The following PTK7 variants were observed in gnomAD, a reference collection of about 807,000 sequenced individuals.
PTK7 encodes the protein protein tyrosine kinase 7 (inactive), also known as inactive tyrosine-protein kinase 7.
Under a neutral mutation model 116.6 loss-of-function variants are expected in PTK7, and 39 were observed. That is an observed-to-expected ratio of 0.33 (90% CI 0.26 to 0.44). The LOEUF (loss-of-function observed/expected upper bound fraction) is 0.44. Among genes scored for constraint, PTK7 ranks in the 20% least tolerant of loss-of-function variants. The pLI, the probability that PTK7 is intolerant of heterozygous loss-of-function variation, is 1.00. For synonymous variants in PTK7, 546 were observed against 563.6 expected (o/e 0.97, Z 0.44); for missense variants, 1,169 against 1,425.6 (o/e 0.82, Z 2.90).
rs142063844 is a variant in PTK7, at chr6:43,130,574, C to T, written c.725C>T (p.Ala242Val). 4 of 1,614,038 alleles carry T rather than the reference C, an allele frequency of 2.5e-6. No homozygotes were observed. In the African/African-American group the frequency reaches 5.3e-5, roughly 22 times the overall value. Residue 242 changes from alanine (A) to valine (V), a missense_variant, in exon 5 of 20, where the codon GCC (alanine) becomes GTC (valine). Around this residue, in one of 3 missense-constraint regions of PTK7, gnomAD observed 487 missense variants for 549.8 expected, o/e 0.89. Coordinates refer to ENST00000230419, the MANE Select transcript of PTK7 (RefSeq NM_002821.5). ...GTGGTAGTAGCGAGGTATGAGGAGG[C>T]CATGTTCCATTGCCAGTTCTCAGCC... The part of the protein sequence containing the change: ...QDVVVARYEE[A>V]MFHCQFSAQP...
At chr6:43,155,111 C>T (rs1487545084) in intron 17 of PTK7, among the ~76,000 whole-genome samples, 1 of 152,188 alleles carries the variant, frequency 6.6e-6, no homozygotes, top group African/African-American at 2.4e-5. Flanking sequence ...GCTGCAGCCC[C>T]CCATCAAGAG....
intron 1 of PTK7, among the ~76,000 whole-genome samples, chr6:43,097,463 A>C (rs543203126): frequency 1.5e-4 from 23 of 152,322 alleles, no homozygotes; most frequent in African/African-American, 5.5e-4. Context: ...GAACGTGTCA[A>C]AATTACATAG....
At chr6:43,094,030 C>CA (rs1767101941) in intron 1 of PTK7, among the ~76,000 whole-genome samples, 1 of 152,208 alleles carries the variant, frequency 6.6e-6, no homozygotes, top group Non-Finnish European at 1.5e-5. Context: ...ACTGGGCCAG[C>CA]AGTCAGTCTG....
chr6:43,131,557 G>A (rs1191701557), intron 5 of PTK7, among the ~76,000 whole-genome samples: 1 of 152,184 alleles, frequency 6.6e-6, no homozygotes, highest in Non-Finnish European at 1.5e-5. Flanking sequence ...AAAGGAGAGA[G>A]AGCTTCTGCA....
At chr6:43,142,470 CCGGG>C in intron 13 of PTK7, 171 bp downstream of exon 13, 1 of 1,070,440 alleles carries the variant, frequency 9.3e-7, no homozygotes, top group Non-Finnish European at 1.4e-6. Flanking sequence ...TTGCTCAGAG[CCGGG>C]CTGTCGTTTA....
intron 1 of PTK7, among the ~76,000 whole-genome samples, chr6:43,085,140 C>T (rs1329174289): frequency 6.6e-6 from 1 of 152,096 alleles, no homozygotes; most frequent in Non-Finnish European, 1.5e-5. Flanking sequence ...CCTTGCTGGC[C>T]CCTGTGAAGT....
At chr6:43,151,888 A>T (rs1032995016) in intron 17 of PTK7, among the ~76,000 whole-genome samples, 14 of 118,524 alleles carry the variant, frequency 1.2e-4, no homozygotes, top group Admixed American at 6.1e-4. Flanking sequence ...TCTGTCGCCC[A>T]GGCTGGAGTG....
intron 17 of PTK7, among the ~76,000 whole-genome samples, chr6:43,158,556 GCCAC>G (rs113681785): frequency 6.6e-5 from 10 of 152,234 alleles, no homozygotes; most frequent in African/African-American, 2.4e-4. Context: ...AGGCCCATGT[GCCAC>G]TCACTTAATC....
intron 1 of PTK7, among the ~76,000 whole-genome samples, chr6:43,107,527 G>A (rs1219723535): frequency 6.6e-6 from 1 of 152,194 alleles, no homozygotes; most frequent in Admixed American, 6.5e-5. Flanking sequence ...GGAACAGTAA[G>A]TGGTCAGTAA....
chr6:43,149,130 G>A (rs889211068), intron 17 of PTK7, among the ~76,000 whole-genome samples: 8 of 151,140 alleles, frequency 5.3e-5, no homozygotes, highest in East Asian at 3.9e-4. Flanking sequence ...CCAGCACTTC[G>A]GGAGGCTGAG....
rs749733989 is a variant in PTK7, at chr6:43,130,494, C to A, written c.662-17C>A. On this transcript the variant is annotated splice_polypyrimidine_tract_variant and intron_variant, in intron 4 of 19. Coordinates refer to ENST00000230419, the MANE Select transcript of PTK7 (RefSeq NM_002821.5). ...TCACCACCCAGGCTGCATGCTCCCCCATCTTTCCCTCTCCAGATGAAAGCT... is the reference window on the plus strand; with the variant it reads ...TCACCACCCAGGCTGCATGCTCCCCAATCTTTCCCTCTCCAGATGAAAGCT... 2 of 1,612,574 alleles carry A rather than the reference C, an allele frequency of 1.2e-6. No homozygotes were observed. Among genetic ancestry groups the A allele is most frequent in the Non-Finnish European group, 1.7e-6 (2 of 1,178,954 alleles).
At chr6:43,093,183 C>CTTTTTTTTTTTTTT (rs72414606) in intron 1 of PTK7, among the ~76,000 whole-genome samples, 2 of 84,772 alleles carry the variant, frequency 2.4e-5, no homozygotes, top group Admixed American at 1.4e-4. Flanking sequence ...ATAGGATCTC[C>CTTTTTTTTTTTTTT]TTTTTTTTTT....
chr6:43,104,904 C>G (rs1007511746), intron 1 of PTK7, among the ~76,000 whole-genome samples: 9 of 150,944 alleles, frequency 6.0e-5, no homozygotes, highest in African/African-American at 2.0e-4. Context: ...TCTCCGCCTC[C>G]TGGGTTCATG....
chr6:43,132,356 G>A, intron 6 of PTK7, 65 bp from the exon 7 acceptor site: 4 of 1,524,732 alleles, frequency 2.6e-6, no homozygotes, highest in Non-Finnish European at 3.5e-6. Context: ...GCTTGCTGTG[G>A]GAGAACATCA....
chr6:43,132,276 A>G, intron 6 of PTK7, 112 bp downstream of exon 6: 2 of 1,505,716 alleles, frequency 1.3e-6, no homozygotes, highest in Non-Finnish European at 1.8e-6. Context: ...GGGGAAGAAA[A>G]GGATGCTGGG....
chr6:43,099,868 G>A (rs1767469699), intron 1 of PTK7, among the ~76,000 whole-genome samples: 1 of 151,974 alleles, frequency 6.6e-6, no homozygotes, highest in South Asian at 2.1e-4. Context: ...GCAGGAGTTC[G>A]AGACCAGCTT....
chr6:43,103,951 C>T (rs2150393707), intron 1 of PTK7, among the ~76,000 whole-genome samples: 1 of 152,232 alleles, frequency 6.6e-6, no homozygotes, highest in East Asian at 1.9e-4. Flanking sequence ...AATCTCACTC[C>T]CATCTGTTTT....
chr6:43,095,972 T>A (rs1193250949), intron 1 of PTK7, among the ~76,000 whole-genome samples: 1 of 152,342 alleles, frequency 6.6e-6, no homozygotes, highest in South Asian at 2.1e-4. Flanking sequence ...TACACAGATA[T>A]GTGTAAGCTC....
chr6:43,076,875 C>T lies in PTK7; in HGVS notation c.79+308C>T, dbSNP rs554679998. On this transcript the variant is annotated intron_variant, in intron 1 of 19. Coordinates refer to ENST00000230419, the MANE Select transcript of PTK7 (RefSeq NM_002821.5). The surrounding 1 kb of genome is among the most constrained non-coding windows in gnomAD (Gnocchi z 5.7). ...AGAACTGCCGAGAGTTGCTGGCTCT[C>T]GGGCCCAGATGGGGAGTTTCTTGTC... 7.3e-5 allele frequency: 109 copies of T among 1,486,406 alleles called. No individual in the cohort carries two copies. In the South Asian group the frequency reaches 1.1e-3, roughly 15 times the overall value. The allele number at this position is 1,486,406 out of a possible 1,614,324, so 92.1% of individuals were successfully genotyped here.
Sources: gnomAD v4.1 joint callset for allele counts (sites outside exome capture counted in the v4.1 genomes callset) on GRCh38, gnomAD v4.1.1 for gene constraint, gnomAD v4.1.1 regional missense constraint, Gnocchi (gnomAD v3.1) non-coding constraint, MANE v1.5 for transcripts, NCBI Gene and HGNC (gene_info 2026-07-23, HGNC 2026-07-21) for gene names.